The following DOCK3 variants were observed in gnomAD, a reference collection of about 807,000 sequenced individuals.
DOCK3 encodes the protein dedicator of cytokinesis protein 3.
Under a neutral mutation model 265.6 loss-of-function variants are expected in DOCK3, and 60 were observed. The observed-to-expected ratio is 0.23, with a 90% confidence interval of 0.18 to 0.28. The LOEUF (loss-of-function observed/expected upper bound fraction) is 0.28, where lower values mean the gene tolerates loss of function less well. DOCK3 is among the 10% of genes least tolerant of loss of function. The pLI, the probability that DOCK3 is intolerant of heterozygous loss-of-function variation, is 1.00. For missense variants in DOCK3, 1,981 were observed against 2,594.3 expected (o/e 0.76, Z 5.14); for synonymous variants, 881 against 938.0 (o/e 0.94, Z 1.11).
intron 2 of DOCK3, among the ~76,000 whole-genome samples, chr3:50,813,721 G>A (rs2043898545): frequency 6.6e-6 from 1 of 152,010 alleles, no homozygotes; most frequent in Non-Finnish European, 1.5e-5. Context: ...TGTGAATCAT[G>A]GGATATATTT....
At chr3:50,957,688 A>C (rs939792568) in intron 5 of DOCK3, among the ~76,000 whole-genome samples, 3 of 152,234 alleles carry the variant, frequency 2.0e-5, no homozygotes, top group Admixed American at 6.5e-5. Context: ...TAAATATTGT[A>C]AGGAATGCTT....
chr3:51,360,775 C>A, intron 47 of DOCK3, 143 bp downstream of exon 47: 1 of 1,115,040 alleles, frequency 9.0e-7, no homozygotes, highest in Non-Finnish European at 1.3e-6. Flanking sequence ...TGCCATAGGA[C>A]CCACACCCTG....
At chr3:51,280,397 C>T (rs2081048804) in intron 27 of DOCK3, among the ~76,000 whole-genome samples, 193 bp downstream of exon 27, 1 of 152,146 alleles carries the variant, frequency 6.6e-6, no homozygotes, top group African/African-American at 2.4e-5. Context: ...CAGCTGGACC[C>T]TCGTAACACT....
Position 51,296,709 on chromosome 3 carries a change from C to A in DOCK3, c.2923-13523C>A, listed in dbSNP as rs578040207. On this transcript the variant is annotated intron_variant, in intron 27 of 52. Transcript: ENST00000266037. ...GCCAGGATGGTCTCGATCTCCTGAC[C>A]TTGTGATCCGCCCGCCTTGGCCTCC... is the stretch of plus-strand genomic sequence containing the variant. Among the ~76,000 whole-genome samples the A allele has an allele frequency of 5.9e-5, 9 of 152,126 alleles. No individual in the cohort carries two copies. In the South Asian group the frequency reaches 1.9e-3, roughly 32 times the overall value.
intron 5 of DOCK3, among the ~76,000 whole-genome samples, chr3:50,945,819 C>T (rs993805124): frequency 2.6e-5 from 4 of 152,084 alleles, no homozygotes; most frequent in Admixed American, 2.0e-4. Flanking sequence ...AACAGATTTC[C>T]TGAATTCAGA....
In DOCK3 at chr3:51,227,411, C is replaced by T. The variant is rs372269456; in HGVS notation, c.1506C>T (p.Gly502=). Residue 502 remains glycine, a synonymous_variant, in exon 16 of 53, where the codon GGC becomes GGT. Coordinates refer to ENST00000266037, the MANE Select transcript of DOCK3 (RefSeq NM_004947.5). ...KLPIPIDRFR[G]SHLRFEFRHC... ...CTATCCCCATTGACCGGTTCCGGGGCTCCCACCTGCGCTTTGAGTTCAGAC... is the reference window on the plus strand; with the variant it reads ...CTATCCCCATTGACCGGTTCCGGGGTTCCCACCTGCGCTTTGAGTTCAGAC... 1.9e-5 allele frequency: 30 copies of T among 1,613,828 alleles called. No homozygotes were observed. In the African/African-American group the frequency reaches 3.3e-4, roughly 18 times the overall value.
intron 1 of DOCK3, among the ~76,000 whole-genome samples, chr3:50,766,490 T>C (rs552257403): frequency 6.6e-6 from 1 of 152,294 alleles, no homozygotes; most frequent in East Asian, 1.9e-4. Context: ...CCATGGTGTA[T>C]ATGTGCCACA....
At chr3:51,025,697 T>G (rs1405561952) in intron 5 of DOCK3, among the ~76,000 whole-genome samples, 1 of 152,230 alleles carries the variant, frequency 6.6e-6, no homozygotes, top group Non-Finnish European at 1.5e-5. Context: ...TTCTCCCTCG[T>G]TGACCGACTT....
chr3:50,676,726 TG>T (rs2033990525), intron 1 of DOCK3, among the ~76,000 whole-genome samples: 1 of 14,110 alleles, frequency 7.1e-5, no homozygotes, highest in African/African-American at 2.4e-4. Flanking sequence ...GGTGGGGGCG[TG>T]GGGGGAGGAG....
chr3:50,868,827 C>T (rs1384081600), intron 3 of DOCK3, among the ~76,000 whole-genome samples: 1 of 150,314 alleles, frequency 6.7e-6, no homozygotes, highest in Non-Finnish European at 1.5e-5. Flanking sequence ...TCACAGTAGC[C>T]ACTAATGATC....
chr3:51,351,974 CTT>C (rs2086021903), intron 40 of DOCK3, among the ~76,000 whole-genome samples: 1 of 152,092 alleles, frequency 6.6e-6, no homozygotes, highest in East Asian at 1.9e-4. Flanking sequence ...AGTGGAGAGA[CTT>C]TCTTAAGAGG....
At chr3:51,073,397 C>T (rs1243601330) in intron 6 of DOCK3, among the ~76,000 whole-genome samples, 1 of 152,204 alleles carries the variant, frequency 6.6e-6, no homozygotes, top group Non-Finnish European at 1.5e-5. Context: ...ACACTACTGC[C>T]TTTGCATGCT....
intron 39 of DOCK3, 50 bp from the exon 40 acceptor site, chr3:51,350,238 T>C (rs1265458755): frequency 1.6e-5 from 24 of 1,540,080 alleles, no homozygotes; most frequent in Non-Finnish European, 2.1e-5. Flanking sequence ...AGAACTTCCT[T>C]TGGATACCAA....
chr3:51,266,035 TAGACAAAC>T (rs1576593754), intron 23 of DOCK3, among the ~76,000 whole-genome samples: 1 of 151,860 alleles, frequency 6.6e-6, no homozygotes, highest in East Asian at 1.9e-4. Context: ...ACACCAATAA[TAGACAAAC>T]AGAGAGCCAA....
intron 5 of DOCK3, among the ~76,000 whole-genome samples, chr3:50,939,678 C>T (rs1002209967): frequency 1.3e-5 from 2 of 151,990 alleles, no homozygotes; most frequent in African/African-American, 4.8e-5. Context: ...AATTCAGCAC[C>T]CATTCATGAT....
rs551190798 is a variant in DOCK3, at chr3:50,996,653, G to C, written c.315+62576G>C. 3.4e-3 allele frequency among the ~76,000 whole-genome samples: 510 copies of C among 151,874 alleles called. 6 individuals carry two copies. The highest frequency in any genetic ancestry group is 3.1e-3 in the Non-Finnish European group (210 of 67,968). ...TCTTTTCTTACTGATTTGATTCTTG[G>C]GGGGAAAACTGTGTAACGCTAGCCT... On this transcript the variant is annotated intron_variant, in intron 5 of 52. Coordinates refer to ENST00000266037, the MANE Select transcript of DOCK3 (RefSeq NM_004947.5).
Position 50,897,828 on chromosome 3 carries a change from G to C in DOCK3, c.218+7747G>C, listed in dbSNP as rs1284335441. On this transcript the variant is annotated intron_variant, in intron 4 of 52. Coordinates refer to ENST00000266037, the MANE Select transcript of DOCK3 (RefSeq NM_004947.5). ...AGGCTTGCATCCCAGGGATGAAGCC[G>C]ACTTGATCATGGTGGATAAGCTTTT... Among the ~76,000 whole-genome samples, 4 of 114,316 alleles carry C rather than the reference G, an allele frequency of 3.5e-5. No homozygotes were observed. The South Asian group carries it at 1.4e-3, about 40-fold the overall frequency. The allele number at this position is 114,316 out of a possible 152,430, so 75.0% of individuals were successfully genotyped here. A position where few individuals can be genotyped will look rare whatever the true frequency, so the allele number is the denominator to read the frequency against.
intron 38 of DOCK3, among the ~76,000 whole-genome samples, chr3:51,347,567 T>G (rs1189861309): frequency 1.3e-5 from 2 of 152,206 alleles, no homozygotes; most frequent in Non-Finnish European, 2.9e-5. Flanking sequence ...TGAAGTCAGG[T>G]AGCGTGATGC....
chr3:51,312,393 A>T (rs776380293), intron 29 of DOCK3, 83 bp from the exon 30 acceptor site: 1 of 1,160,100 alleles, frequency 8.6e-7, no homozygotes, highest in African/African-American at 1.5e-5. Context: ...AATGGGTTCT[A>T]TGCTACATGC....
Sources: gnomAD v4.1 joint callset for allele counts (sites outside exome capture counted in the v4.1 genomes callset) on GRCh38, gnomAD v4.1.1 for gene constraint, MANE v1.5 for transcripts, NCBI Gene and HGNC (gene_info 2026-07-23, HGNC 2026-07-21) for gene names.